The following CDH9 variants were observed in gnomAD, a reference collection of about 807,000 sequenced individuals.
The protein encoded by CDH9 is cadherin 9, also known as cadherin-9.
In CDH9, 28 loss-of-function variants were observed where a neutral mutation model predicts 70.9. That is an observed-to-expected ratio of 0.40 (90% CI 0.29 to 0.54). The LOEUF (loss-of-function observed/expected upper bound fraction) is 0.54. Ranked by LOEUF, CDH9 falls within the 20% of genes least tolerant of loss-of-function variation. The pLI is 0.59. For synonymous variants in CDH9, 409 were observed against 343.1 expected (o/e 1.19, Z -2.12); for missense variants, 874 against 984.4 (o/e 0.89, Z 1.50).
chr5:26,888,353 A>C (rs1458366847), intron 9 of CDH9, among the ~76,000 whole-genome samples: 1 of 152,178 alleles, frequency 6.6e-6, no homozygotes, highest in Non-Finnish European at 1.5e-5. Context: ...AAACAAGCAA[A>C]ATGTACTACA....
intron 1 of CDH9, among the ~76,000 whole-genome samples, chr5:27,036,708 T>C (rs1012538916): frequency 4.6e-5 from 7 of 151,928 alleles, no homozygotes; most frequent in African/African-American, 1.7e-4. Flanking sequence ...GATTTGCTCA[T>C]AATATGTACT....
At chr5:26,952,458 C>CAAAAAAAAAAAAAAAA (rs766973787) in intron 2 of CDH9, among the ~76,000 whole-genome samples, 2 of 9,960 alleles carry the variant, frequency 2.0e-4, no homozygotes, top group Non-Finnish European at 2.6e-4. Flanking sequence ...ACTAAAAATA[C>CAAAAAAAAAAAAAAAA]AAAAAAAAAA....
chr5:27,009,683 C>T (rs868150275), intron 1 of CDH9, among the ~76,000 whole-genome samples: 3 of 152,002 alleles, frequency 2.0e-5, no homozygotes, highest in Non-Finnish European at 4.4e-5. Flanking sequence ...AATTGATGGC[C>T]CTGAGGTTAT....
chr5:26,886,525 C>T (rs1056532603), intron 9 of CDH9, among the ~76,000 whole-genome samples: 2 of 151,852 alleles, frequency 1.3e-5, no homozygotes, highest in African/African-American at 4.8e-5. Context: ...AGCACAATCC[C>T]TCCTATATAT....
chr5:26,881,290 G>T lies in CDH9; in HGVS notation c.2216C>A (p.Ala739Asp). 6.2e-7 allele frequency: 1 copy of T among 1,612,642 alleles called. No homozygotes were observed. The highest frequency in any genetic ancestry group is 8.5e-7 in the Non-Finnish European group (1 of 1,178,814). ...APPYDSLATYAYEGNDSIADS... is the reference protein window; with the variant it reads ...APPYDSLATYDYEGNDSIADS... ...TGCTATGGAATCATTCCCTTCATAG[G>T]CATACGTTGCCAGCGAATCATATGG... Residue 739 changes from alanine to aspartate, a missense_variant, in exon 12 of 12, where the codon GCC becomes GAC. Physicochemically the swap from Ala to Asp is moderately radical, Grantham distance 126. Coordinates refer to ENST00000231021, the MANE Select transcript of CDH9 (RefSeq NM_016279.4).
rs541924054 is a variant in CDH9 at position 26,926,451 on chromosome 5, C to A, written c.229-10527G>T. ...TCAACGAAATAAAAGAGCACACAAA[C>A]AAATGGAAGAACATTTCATGCTCAT... On this transcript the variant is annotated intron_variant, in intron 2 of 11. Coordinates refer to ENST00000231021, the MANE Select transcript of CDH9 (RefSeq NM_016279.4). Among the ~76,000 whole-genome samples, 3 of 152,132 alleles carry A rather than the reference C, an allele frequency of 2.0e-5. No homozygotes were observed. The East Asian group carries it at 5.8e-4, about 29-fold the overall frequency.
intron 1 of CDH9, among the ~76,000 whole-genome samples, chr5:27,010,764 A>G (rs1041489134): frequency 3.4e-4 from 52 of 152,288 alleles, no homozygotes; most frequent in African/African-American, 1.2e-3. Flanking sequence ...CTTTTAAGAC[A>G]GCATTTCATT....
intron 1 of CDH9, among the ~76,000 whole-genome samples, chr5:26,989,746 A>G (rs573252966): frequency 1.3e-5 from 2 of 152,120 alleles, no homozygotes; most frequent in East Asian, 1.9e-4. Context: ...CCAAGCATCT[A>G]TGAATTCAGT....
chr5:26,970,805 G>T (rs991949663), intron 2 of CDH9, among the ~76,000 whole-genome samples: 5 of 152,038 alleles, frequency 3.3e-5, no homozygotes, highest in African/African-American at 1.2e-4. Flanking sequence ...CTGTATGCCT[G>T]TATAAATATA....
chr5:26,929,519 G>T (rs1741403584), intron 2 of CDH9, among the ~76,000 whole-genome samples: 1 of 151,980 alleles, frequency 6.6e-6, no homozygotes, highest in South Asian at 2.1e-4. Flanking sequence ...AAAACAATGT[G>T]TTGAAGAGAC....
At chr5:26,953,700 C>T (rs544157045) in intron 2 of CDH9, among the ~76,000 whole-genome samples, 31 of 152,260 alleles carry the variant, frequency 2.0e-4, no homozygotes, top group African/African-American at 7.2e-4. Context: ...CTCATCCCTT[C>T]ATTCCATCCA....
At chr5:27,007,840 C>G (rs1742892970) in intron 1 of CDH9, among the ~76,000 whole-genome samples, 1 of 151,978 alleles carries the variant, frequency 6.6e-6, no homozygotes, top group Non-Finnish European at 1.5e-5. Flanking sequence ...TCTCATACTG[C>G]TGTGAATTGA....
intron 2 of CDH9, among the ~76,000 whole-genome samples, chr5:26,929,861 G>T (rs10067037): frequency 6.6e-6 from 1 of 151,884 alleles, no homozygotes; most frequent in Admixed American, 6.6e-5. Context: ...AGTATCGAAT[G>T]GGGAGGAAGG....
chr5:26,916,415 G>A (rs1741150377), intron 2 of CDH9, among the ~76,000 whole-genome samples: 1 of 151,874 alleles, frequency 6.6e-6, no homozygotes. Context: ...CCCCTTATCT[G>A]TGGGGGATAC....
At chr5:26,904,951 G>A (rs1740919571) in intron 5 of CDH9, among the ~76,000 whole-genome samples, 1 of 151,952 alleles carries the variant, frequency 6.6e-6, no homozygotes, top group Non-Finnish European at 1.5e-5. Context: ...AATGCATCGA[G>A]TCTCTTTATA....
chr5:27,034,395 C>A (rs1743357365), intron 1 of CDH9, among the ~76,000 whole-genome samples: 1 of 151,468 alleles, frequency 6.6e-6, no homozygotes, highest in South Asian at 2.1e-4. Context: ...TCTTGCTCAT[C>A]AAGAGAAATA....
intron 2 of CDH9, among the ~76,000 whole-genome samples, chr5:26,976,486 A>G (rs531614286): frequency 6.6e-6 from 1 of 152,222 alleles, no homozygotes; most frequent in South Asian, 2.1e-4. Context: ...CACCCAGGTT[A>G]GTGTGCAGTG....
At chr5:26,992,345 G>C (rs1177862707) in intron 1 of CDH9, among the ~76,000 whole-genome samples, 1 of 152,126 alleles carries the variant, frequency 6.6e-6, no homozygotes, top group Non-Finnish European at 1.5e-5. Context: ...CATGGAGGTA[G>C]AGCTCTTATG....
At position 26,886,102 on chromosome 5, in the gene CDH9, A is replaced by G. The variant is rs898840058; in HGVS notation, c.1513-19T>C. The G allele has an allele frequency of 1.3e-6, 2 of 1,578,584 alleles. No homozygotes were observed. Among genetic ancestry groups the G allele is most frequent in the Admixed American group, 3.9e-5 (2 of 51,146 alleles). ...GAATCAACTGAAACCAAAATTAATT[A>G]ATTAATTAATTAAGCCTAAGGCAAT... On this transcript the variant is annotated intron_variant, in intron 9 of 11. Transcript: ENST00000231021.
Sources: gnomAD v4.1 joint callset for allele counts (sites outside exome capture counted in the v4.1 genomes callset) on GRCh38, gnomAD v4.1.1 for gene constraint, MANE v1.5 for transcripts, NCBI Gene and HGNC (gene_info 2026-07-23, HGNC 2026-07-21) for gene names.